SIMC1: variants seen among roughly 807,000 people sequenced by gnomAD.
SIMC1 encodes the protein SUMO interacting motifs containing 1, also known as SUMO-interacting motif-containing protein 1.
A neutral mutation model predicts 82.3 loss-of-function variants in SIMC1; 55 were observed. The ratio of observed to expected loss-of-function variants is 0.67; its 90% CI spans 0.54 to 0.84. The LOEUF is 0.84. Ranked by LOEUF, SIMC1 falls within the 40% of genes least tolerant of loss-of-function variation. The probability of loss-of-function intolerance (pLI) is 0.00; values close to 1 mark genes in which losing one functional copy is unlikely to be tolerated. For synonymous variants in SIMC1, 353 were observed against 426.3 expected, an observed-to-expected ratio of 0.83 and a Z score of 2.12; for missense variants, 915 against 1,107.2, an observed-to-expected ratio of 0.83 and a Z score of 2.46.
chr5:176,280,208 G>A (rs1413294749), intron 1 of SIMC1, among the ~76,000 whole-genome samples: 6 of 152,146 alleles, frequency 3.9e-5, no homozygotes, highest in African/African-American at 1.4e-4. Context: ...TTGTTGAATT[G>A]ATCCCTTTAC....
At chr5:176,327,888 T>C (rs1765462520) in intron 7 of SIMC1, among the ~76,000 whole-genome samples, 1 of 152,232 alleles carries the variant, frequency 6.6e-6, no homozygotes. Flanking sequence ...AATACACTGA[T>C]TAATTTACTC....
chr5:176,311,591 G>A (rs1764667384), intron 4 of SIMC1, among the ~76,000 whole-genome samples: 1 of 151,340 alleles, frequency 6.6e-6, no homozygotes. Flanking sequence ...GGGGAAAATA[G>A]GTATTCTCAA....
At position 176,315,425 on chromosome 5, in the gene SIMC1, T is replaced by C. The variant is rs184502609; in HGVS notation, c.1889+1580T>C. ...CTTCCACTAAGCCCATCTCCAACAC[T>C]GGAGATCACACCAACAGGAGATTTG... is the stretch of plus-strand genomic sequence containing the variant. On this transcript the variant is annotated intron_variant, in intron 5 of 9. Coordinates refer to ENST00000429602, the MANE Select transcript of SIMC1 (RefSeq NM_001308195.2). 3.9e-5 allele frequency among the ~76,000 whole-genome samples: 6 copies of C among 152,226 alleles called. No individual in the cohort carries two copies. In the East Asian group the frequency reaches 1.2e-3, roughly 29 times the overall value.
intron 4 of SIMC1, among the ~76,000 whole-genome samples, chr5:176,297,520 A>C (rs1382677804): frequency 2.6e-5 from 4 of 151,658 alleles, no homozygotes; most frequent in Non-Finnish European, 5.9e-5. Flanking sequence ...AAAAAAAAAA[A>C]AAAAAAACGT....
chr5:176,302,318 C>T (rs1764075239), intron 4 of SIMC1, among the ~76,000 whole-genome samples: 1 of 152,054 alleles, frequency 6.6e-6, no homozygotes, highest in South Asian at 2.1e-4. Context: ...AGAAAAAACA[C>T]ACAATCACCT....
At chr5:176,289,190 G>A (rs145844658) in intron 1 of SIMC1, among the ~76,000 whole-genome samples, 2,282 of 152,244 alleles carry the variant, frequency 0.015, 22 homozygotes, top group Non-Finnish European at 0.02. Flanking sequence ...CCATCTGTAT[G>A]ATGGATTGAT....
chr5:176,275,533 G>A (rs1283390838), intron 1 of SIMC1, among the ~76,000 whole-genome samples: 21 of 151,760 alleles, frequency 1.4e-4, no homozygotes, highest in African/African-American at 4.1e-4. Flanking sequence ...GTGAGAGAGG[G>A]CATCCCTGTC....
chr5:176,281,283 A>G (rs1291916266), intron 1 of SIMC1, among the ~76,000 whole-genome samples: 1 of 152,130 alleles, frequency 6.6e-6, no homozygotes, highest in East Asian at 1.9e-4. Context: ...CAGCTCCATC[A>G]GCTCCTTTAA....
intron 4 of SIMC1, among the ~76,000 whole-genome samples, chr5:176,305,084 G>A (rs544273809): frequency 2.0e-5 from 3 of 150,238 alleles, no homozygotes; most frequent in South Asian, 2.1e-4. Context: ...CACCCCGTCC[G>A]GGAGGGAGGT....
chr5:176,327,570 A>T (rs777601216), intron 7 of SIMC1, among the ~76,000 whole-genome samples: 13 of 152,156 alleles, frequency 8.5e-5, no homozygotes, highest in Admixed American at 6.5e-4. Context: ...CAATCTGTGT[A>T]TGCCTTTTGC....
At chr5:176,293,434 CAA>C (rs562489299) in intron 2 of SIMC1, among the ~76,000 whole-genome samples, 1 of 134,768 alleles carries the variant, frequency 7.4e-6, no homozygotes, top group Non-Finnish European at 1.6e-5. Context: ...GACCCCATCT[CAA>C]AAAAAAAAAA....
At chr5:176,333,748 A>AT (rs958763252) in intron 7 of SIMC1, among the ~76,000 whole-genome samples, 85 of 146,596 alleles carry the variant, frequency 5.8e-4, no homozygotes, top group East Asian at 3.6e-3. Context: ...GATTTTTAAT[A>AT]TTTTTTTTTT....
rs376887665 is a variant in SIMC1 at position 176,320,431 on chromosome 5, G to A, written c.1890-1842G>A. ...GCCCAAGGCTGGAGTGCAGCAACCC[G>A]ATCACAGCTCACTGCAGCTTTGACC... On this transcript the variant is annotated intron_variant, in intron 5 of 9. Transcript: ENST00000429602. Among the ~76,000 whole-genome samples, 22 of 152,050 alleles carry A rather than the reference G, an allele frequency of 1.4e-4. No individual in the cohort carries two copies. In the South Asian group the frequency reaches 1.5e-3, roughly 10 times the overall value.
Position 176,294,373 on chromosome 5 carries a change from G to A in SIMC1, c.1432-657G>A, listed in dbSNP as rs201100495. On this transcript the variant is annotated intron_variant, in intron 2 of 9. Transcript: ENST00000429602. ...TGGTTCACTGCAGCCTCCACCTTCC[G>A]GGTTTAAGCAATTCTCATGTCTCAG... Among the ~76,000 whole-genome samples, 7 of 152,142 alleles carry A rather than the reference G, an allele frequency of 4.6e-5. No individual in the cohort carries two copies. The East Asian group carries it at 5.8e-4, about 13-fold the overall frequency.
chr5:176,274,507 T>G (rs1264080466), intron 1 of SIMC1, among the ~76,000 whole-genome samples: 8 of 151,952 alleles, frequency 5.3e-5, no homozygotes, highest in East Asian at 1.9e-4. Flanking sequence ...CTCTTTAGTT[T>G]AATTAGATCC....
intron 4 of SIMC1, among the ~76,000 whole-genome samples, chr5:176,299,522 A>C (rs1209238890): frequency 1.3e-5 from 2 of 152,212 alleles, no homozygotes; most frequent in Non-Finnish European, 2.9e-5. Context: ...TAAGTCAAAA[A>C]CTGTTACAAG....
At chr5:176,254,464 T>TAA (rs1388346395) in intron 1 of SIMC1, among the ~76,000 whole-genome samples, 2 of 151,120 alleles carry the variant, frequency 1.3e-5, no homozygotes, top group Non-Finnish European at 2.9e-5. Flanking sequence ...ACTTGCCCCT[T>TAA]AAAATTTATC....
intron 9 of SIMC1, among the ~76,000 whole-genome samples, chr5:176,342,212 T>C (rs1296599361): frequency 1.3e-5 from 2 of 152,196 alleles, no homozygotes; most frequent in East Asian, 3.8e-4. Context: ...ACAAAAAGGC[T>C]CTTCCTAAGA....
intron 4 of SIMC1, among the ~76,000 whole-genome samples, chr5:176,304,710 C>T (rs1331045332): frequency 1.3e-5 from 2 of 150,056 alleles, no homozygotes; most frequent in African/African-American, 4.9e-5. Context: ...AGGAGCGTCT[C>T]CGCCCGGCCG....
Sources: allele counts gnomAD v4.1 joint callset (sites outside exome capture counted in the v4.1 genomes callset), GRCh38; gene constraint gnomAD v4.1.1; transcripts MANE v1.5; gene names NCBI Gene and HGNC (gene_info 2026-07-23, HGNC 2026-07-21).